The following PCSK6 variants were observed in gnomAD, a reference collection of about 807,000 sequenced individuals.
PCSK6 encodes proprotein convertase subtilisin/kexin type 6.
A neutral mutation model predicts 123.3 loss-of-function variants in PCSK6; 85 were observed. That is an observed-to-expected ratio of 0.69 (90% confidence interval 0.58 to 0.83). The LOEUF (loss-of-function observed/expected upper bound fraction) is 0.83. Among genes scored for constraint, PCSK6 ranks in the 40% least tolerant of loss-of-function variants. The probability of loss-of-function intolerance (pLI) is 0.00; values close to 1 mark genes in which losing one functional copy is unlikely to be tolerated. For missense variants in PCSK6, 1,191 were observed against 1,282.3 expected, an observed-to-expected ratio of 0.93 and a Z score of 1.09; for synonymous variants, 508 against 516.0, an observed-to-expected ratio of 0.98 and a Z score of 0.21.
intron 13 of PCSK6, among the ~76,000 whole-genome samples, chr15:101,344,047 G>C (rs2040677195): frequency 6.6e-6 from 1 of 151,936 alleles, no homozygotes; most frequent in South Asian, 2.1e-4. Flanking sequence ...CTGCACTCCA[G>C]CCTGTGCGAC....
chr15:101,430,892 G>A (rs1437333971), intron 4 of PCSK6, among the ~76,000 whole-genome samples: 3 of 152,176 alleles, frequency 2.0e-5, no homozygotes, highest in Non-Finnish European at 4.4e-5. Flanking sequence ...GTTTACAGAT[G>A]AGGCACAGAG....
Position 101,427,994 on chromosome 15 carries a change from A to G in PCSK6, c.735-14T>C, listed in dbSNP as rs1409837875. On this transcript the variant is annotated splice_polypyrimidine_tract_variant and intron_variant, in intron 5 of 21. Coordinates refer to ENST00000611716, the MANE Select transcript of PCSK6 (RefSeq NM_002570.5). Reference sequence around the variant, plus strand: ...CGAGTGCCGTGTCTGAAACAAAGGAAAAAACCAAGTGAGGACGCAGCCCAG... The same window carrying G: ...CGAGTGCCGTGTCTGAAACAAAGGAGAAAACCAAGTGAGGACGCAGCCCAG... The G allele has an allele frequency of 4.5e-6, 7 of 1,559,448 alleles. No individual in the cohort carries two copies. The highest frequency in any genetic ancestry group is 2.4e-5 in the East Asian group (1 of 41,964).
chr15:101,310,142 G>A (rs2039822636), intron 20 of PCSK6, among the ~76,000 whole-genome samples: 1 of 151,918 alleles, frequency 6.6e-6, no homozygotes. Context: ...AGAACCAATC[G>A]GACCAAGGCC....
At chr15:101,427,751 G>A (rs1000865689) in intron 6 of PCSK6, 141 bp downstream of exon 6, 15 of 615,804 alleles carry the variant, frequency 2.4e-5, no homozygotes, top group African/African-American at 2.0e-4. Flanking sequence ...TGATACAGAC[G>A]GCACTGCTGC....
intron 15 of PCSK6, among the ~76,000 whole-genome samples, chr15:101,329,992 C>A: frequency 6.6e-6 from 1 of 152,258 alleles, no homozygotes; most frequent in East Asian, 1.9e-4. Context: ...GAATCCCAGT[C>A]TCTGGGCGGG....
chr15:101,316,807 T>C (rs1267417812), intron 19 of PCSK6, among the ~76,000 whole-genome samples: 5 of 151,856 alleles, frequency 3.3e-5, no homozygotes, highest in African/African-American at 1.2e-4. Flanking sequence ...GGGAGCTGCA[T>C]GGGGTGCTCA....
At chr15:101,386,721 G>A (rs1436649718) in intron 9 of PCSK6, among the ~76,000 whole-genome samples, 9 of 152,144 alleles carry the variant, frequency 5.9e-5, no homozygotes, top group Admixed American at 2.0e-4. Flanking sequence ...AGCACACTTC[G>A]CTGATCTCTT....
At chr15:101,472,886 G>A (rs2057640305) in intron 1 of PCSK6, among the ~76,000 whole-genome samples, 2 of 152,188 alleles carry the variant, frequency 1.3e-5, no homozygotes, top group African/African-American at 4.8e-5. Flanking sequence ...AGAGAAAGTG[G>A]AAAGATCCTC....
chr15:101,441,693 C>T (rs1423679120), intron 2 of PCSK6, among the ~76,000 whole-genome samples: 1 of 152,212 alleles, frequency 6.6e-6, no homozygotes, highest in African/African-American at 2.4e-5. Flanking sequence ...GGAAAGAAGA[C>T]CAAGAAATCC....
chr15:101,324,791 C>T lies in PCSK6; in HGVS notation c.2377+59G>A, dbSNP rs183675761. 8.6e-5 allele frequency: 123 copies of T among 1,421,970 alleles called. 1 individual carries two copies. The highest frequency in any genetic ancestry group is 1.8e-4 in the Middle Eastern group (1 of 5,592). 88.1% of individuals were successfully genotyped at this position (1,421,970 alleles called of 1,614,324 possible). On this transcript the variant is annotated intron_variant, in intron 17 of 21. Coordinates refer to ENST00000611716, the MANE Select transcript of PCSK6 (RefSeq NM_002570.5). ...GGAAATTCTCCCTGGAGAGAGGACA[C>T]GGGCCCAGAAAGTTGGGGCTGGCTC...
At chr15:101,348,972 T>A (rs2040820969) in intron 13 of PCSK6, among the ~76,000 whole-genome samples, 2 of 152,260 alleles carry the variant, frequency 1.3e-5, no homozygotes, top group South Asian at 2.1e-4. Flanking sequence ...GTAACTGATC[T>A]GTGCCCCGAT....
intron 11 of PCSK6, among the ~76,000 whole-genome samples, chr15:101,372,541 G>T (rs1269807075): frequency 6.6e-6 from 1 of 152,222 alleles, no homozygotes; most frequent in African/African-American, 2.4e-5. Flanking sequence ...CCCCGCTGCG[G>T]TAGATGGCGA....
chr15:101,355,550 T>A (rs1379111712), intron 13 of PCSK6, among the ~76,000 whole-genome samples: 2 of 152,052 alleles, frequency 1.3e-5, no homozygotes, highest in African/African-American at 2.4e-5. Context: ...GTGGAAGAAG[T>A]GAAGAACAAG....
At chr15:101,353,552 C>G (rs2040957908) in intron 13 of PCSK6, among the ~76,000 whole-genome samples, 1 of 152,234 alleles carries the variant, frequency 6.6e-6, no homozygotes, top group South Asian at 2.1e-4. Context: ...GGCAGCCTCT[C>G]AGCAGCAACA....
intron 1 of PCSK6, among the ~76,000 whole-genome samples, chr15:101,456,174 G>A (rs2047216): frequency 0.29 from 43,609 of 152,118 alleles, 6,254 homozygotes; most frequent in South Asian, 0.37. Flanking sequence ...TAATTGCTTG[G>A]AAGGAGGGTA....
intron 13 of PCSK6, among the ~76,000 whole-genome samples, chr15:101,345,911 G>A (rs1375826867): frequency 3.9e-5 from 6 of 152,132 alleles, no homozygotes; most frequent in Admixed American, 6.5e-5. Context: ...CAGGTGATCC[G>A]CCTGCCTCGG....
chr15:101,307,449 G>C (rs1194802558), intron 20 of PCSK6, 124 bp from the exon 21 acceptor site: 2 of 669,446 alleles, frequency 3.0e-6, no homozygotes, highest in South Asian at 1.8e-5. Flanking sequence ...CCTCTGTGGA[G>C]AGGCTGTGTC....
intron 4 of PCSK6, among the ~76,000 whole-genome samples, chr15:101,430,714 T>C (rs539328826): frequency 2.0e-5 from 3 of 152,222 alleles, no homozygotes; most frequent in Non-Finnish European, 4.4e-5. Flanking sequence ...ATGGATACAA[T>C]ATGGTTTACT....
Position 101,304,981 on chromosome 15 carries a change from G to C in PCSK6, c.*277C>G. ...TTATGGTCCCAGAAGCTGCTCCAAAGCCAGAGCTGTGGATTCCCAGAATTC... is the reference window on the plus strand; with the variant it reads ...TTATGGTCCCAGAAGCTGCTCCAAACCCAGAGCTGTGGATTCCCAGAATTC... On this transcript the variant is annotated 3_prime_UTR_variant, in exon 22 of 22. Coordinates refer to ENST00000611716, the MANE Select transcript of PCSK6 (RefSeq NM_002570.5). 2.3e-6 allele frequency: 1 copy of C among 434,406 alleles called. No individual in the cohort carries two copies. The highest frequency in any genetic ancestry group is 3.5e-5 in the South Asian group (1 of 28,342). 26.9% of individuals were successfully genotyped at this position (434,406 alleles called of 1,614,324 possible). A position where few individuals can be genotyped will look rare whatever the true frequency, so the allele number is the denominator to read the frequency against.
Sources: allele counts gnomAD v4.1 joint callset (sites outside exome capture counted in the v4.1 genomes callset), GRCh38; gene constraint gnomAD v4.1.1; transcripts MANE v1.5; gene names NCBI Gene and HGNC (gene_info 2026-07-23, HGNC 2026-07-21).